ZNF568: variants seen among roughly 807,000 people sequenced by gnomAD.
ZNF568 encodes the protein p53 inhibitor of SCO2 activation.
Under a neutral mutation model 18.1 loss-of-function variants are expected in ZNF568, and 11 were observed. The observed-to-expected ratio is 0.61, with a 90% CI of 0.38 to 1.00. The LOEUF is 1.00. ZNF568 is among the 50% of genes least tolerant of loss of function. The probability of loss-of-function intolerance (pLI) is 0.01; values close to 1 mark genes in which losing one functional copy is unlikely to be tolerated. For missense variants in ZNF568, 639 were observed against 768.2 expected (o/e 0.83, Z 1.99); for synonymous variants, 213 against 246.6 (o/e 0.86, Z 1.28).
chr19:36,979,069 T>G (rs559157319), exon 8 of ZNF568: 1 of 300,296 alleles, frequency 3.3e-6, no homozygotes, highest in East Asian at 1.4e-4. Context: ...CCGCAACCTC[T>G]GCCTCCCGAG....
chr19:36,954,715 C>A (rs1057493002), downstream of ZNF568, among the ~76,000 whole-genome samples: 1 of 151,402 alleles, frequency 6.6e-6, no homozygotes, highest in Admixed American at 6.6e-5. Flanking sequence ...ACCACAGGTG[C>A]GTGCCACCAT....
chr19:36,965,707 T>C (rs2065501539), intron 6 of ZNF568, among the ~76,000 whole-genome samples: 1 of 95,016 alleles, frequency 1.1e-5, no homozygotes, highest in Non-Finnish European at 2.2e-5. Context: ...TCAAGGACTT[T>C]TTTTTTTTTT....
chr19:36,987,780 T>C (rs889043637), intron 2 of ZNF568, among the ~76,000 whole-genome samples: 14 of 151,302 alleles, frequency 9.3e-5, no homozygotes, highest in Non-Finnish European at 1.6e-4. Flanking sequence ...CAAAGGTTTG[T>C]TCATTCTTTC....
At position 36,950,138 on chromosome 19, in the gene ZNF568, A is replaced by C; in HGVS notation, c.985A>C (p.Thr329Pro). ...SNLIEHERIH[T>P]GEKPYECKEC... ...TCTCATTGAACATGAGCGAATTCACACTGGAGAGAAACCCTATGAATGTAA... is the reference window on the plus strand; with the variant it reads ...TCTCATTGAACATGAGCGAATTCACCCTGGAGAGAAACCCTATGAATGTAA... The change falls in exon 7 of 7, where the codon ACT (threonine) becomes CCT (proline). Residue 329 changes from threonine to proline, a missense_variant. Transcript: ENST00000333987. 1 of 1,613,984 alleles carries C rather than the reference A, an allele frequency of 6.2e-7. No homozygotes were observed. Among genetic ancestry groups the C allele is most frequent in the Non-Finnish European group, 8.5e-7 (1 of 1,179,954 alleles).
At chr19:36,917,910 C>G (rs546134729) in intron 2 of ZNF568, among the ~76,000 whole-genome samples, 1 of 152,216 alleles carries the variant, frequency 6.6e-6, no homozygotes, top group East Asian at 1.9e-4. Context: ...TTATTCTTGT[C>G]TCATATATTA....
intron 6 of ZNF568, among the ~76,000 whole-genome samples, chr19:36,974,200 A>G (rs1487624992): frequency 6.6e-6 from 1 of 151,702 alleles, no homozygotes; most frequent in Non-Finnish European, 1.5e-5. Context: ...TTAGGCTGTT[A>G]TGGAGGAAGA....
At chr19:36,974,318 C>T (rs1289834537) in intron 6 of ZNF568, 26 of 966,240 alleles carry the variant, frequency 2.7e-5, no homozygotes, top group Non-Finnish European at 4.0e-5. Context: ...CTTCTTTGGT[C>T]TCCCTTTCAG....
chr19:36,989,777 C>T (rs2074408129), intron 2 of ZNF568, among the ~76,000 whole-genome samples: 1 of 152,004 alleles, frequency 6.6e-6, no homozygotes, highest in African/African-American at 2.4e-5. Flanking sequence ...AACTCCTGGG[C>T]TCAAGCAATC....
intron 4 of ZNF568, among the ~76,000 whole-genome samples, chr19:36,936,246 T>C (rs1452644009): frequency 6.6e-6 from 1 of 152,194 alleles, no homozygotes; most frequent in Non-Finnish European, 1.5e-5. Context: ...CCTTGTTTTG[T>C]ACTATTATTG....
chr19:36,931,757 A>G (rs1378920946), intron 4 of ZNF568: 1 of 152,218 alleles, frequency 6.6e-6, no homozygotes, highest in Non-Finnish European at 1.5e-5. Flanking sequence ...ATACTATAAA[A>G]TTAGCCCATT....
chr19:36,933,898 G>GTTTTTTTTT lies in ZNF568; in HGVS notation c.136-2848_136-2847insTTTTTTTTT, dbSNP rs200880642. Among the ~76,000 whole-genome samples the GTTTTTTTTT allele has an allele frequency of 8.9e-4, 23 of 25,756 alleles. 3 individuals are homozygous for GTTTTTTTTT. Among genetic ancestry groups the GTTTTTTTTT allele is most frequent in the African/African-American group, 5.6e-3 (20 of 3,560 alleles). 16.9% of individuals were successfully genotyped at this position (25,756 alleles called of 152,430 possible). A position where few individuals can be genotyped will look rare whatever the true frequency, so the allele number is the denominator to read the frequency against. On this transcript the variant is annotated intron_variant, in intron 4 of 6. Transcript: ENST00000333987. ...TAGGCCTGAGTTTTTCTTTTGGGTA[G>GTTTTTTTTT]GTTTTTTTTTTTGTTTTGTTTTTTT...
intron 2 of ZNF568, among the ~76,000 whole-genome samples, chr19:36,918,953 T>C (rs2073402896): frequency 6.6e-6 from 1 of 152,244 alleles, no homozygotes; most frequent in South Asian, 2.1e-4. Context: ...TGTTAGCATG[T>C]ATTGGAATTT....
intron 6 of ZNF568, among the ~76,000 whole-genome samples, chr19:36,966,249 G>A (rs571200880): frequency 2.0e-4 from 30 of 152,218 alleles, no homozygotes; most frequent in Non-Finnish European, 4.1e-4. Flanking sequence ...TTGCACCACT[G>A]CATTCCAGCC....
exon 5 of ZNF568, chr19:36,997,133 G>A: frequency 6.4e-7 from 1 of 1,574,508 alleles, no homozygotes; most frequent in Non-Finnish European, 8.6e-7. Context: ...CGCTATGAAT[G>A]CAGGGAGTGT....
At chr19:36,948,658 A>ATTTTTTTTTTGTTTTTTTTTTTT (rs2074004880) in intron 6 of ZNF568, among the ~76,000 whole-genome samples, 1 of 83,576 alleles carries the variant, frequency 1.2e-5, no homozygotes, top group Non-Finnish European at 2.2e-5. Flanking sequence ...TTTGTTGTTG[A>ATTTTTTTTTTGTTTTTTTTTTTT]TTTTTTTTTT....
At chr19:36,918,088 A>C (rs2073381766) in intron 2 of ZNF568, among the ~76,000 whole-genome samples, 1 of 152,156 alleles carries the variant, frequency 6.6e-6, no homozygotes, top group Non-Finnish European at 1.5e-5. Context: ...AGCTGGGACT[A>C]CAGACGCGCC....
At position 36,952,491 on chromosome 19, in the gene ZNF568, A is replaced by G. The variant is rs2074074525; in HGVS notation, c.*1403A>G. 1 of 152,290 alleles carries G rather than the reference A, an allele frequency of 6.6e-6. No homozygotes were observed. The highest frequency in any genetic ancestry group is 2.4e-5 in the African/African-American group (1 of 41,454). 9.4% of individuals were successfully genotyped at this position (152,290 alleles called of 1,614,324 possible). A position where few individuals can be genotyped will look rare whatever the true frequency, so the allele number is the denominator to read the frequency against. Reference sequence around the variant, plus strand: ...AATACAAATGAAACATTGTGTAATAATATTTATGTAAATTGGAATGAAATC... The same window carrying G: ...AATACAAATGAAACATTGTGTAATAGTATTTATGTAAATTGGAATGAAATC... On this transcript the variant is annotated 3_prime_UTR_variant, in exon 7 of 7. Coordinates refer to ENST00000333987, the MANE Select transcript of ZNF568 (RefSeq NM_198539.4).
In ZNF568 at chr19:36,969,233, G is replaced by A. The variant is rs889681786; in HGVS notation, c.359-5187G>A. Among the ~76,000 whole-genome samples the A allele has an allele frequency of 2.1e-3, 320 of 152,188 alleles. 5 individuals are homozygous for A. Among genetic ancestry groups the A allele is most frequent in the Non-Finnish European group, 2.2e-4 (15 of 68,018 alleles). On this transcript the variant is annotated intron_variant, in intron 6 of 7. Transcript: ENST00000427117. ...GCCAAAATAAACAACTGAAGTAAATGTGCCTAGGAAGTGGGAAGGCACTGA... is the reference window on the plus strand; with the variant it reads ...GCCAAAATAAACAACTGAAGTAAATATGCCTAGGAAGTGGGAAGGCACTGA...
At chr19:36,991,515 T>G in intron 3 of ZNF568, 1 of 668,606 alleles carries the variant, frequency 1.5e-6, no homozygotes. Flanking sequence ...TTTTCATACC[T>G]CCCTTCTTGG....
Sources: gnomAD v4.1 joint callset for allele counts (sites outside exome capture counted in the v4.1 genomes callset) on GRCh38, gnomAD v4.1.1 for gene constraint, MANE v1.5 for transcripts, NCBI Gene and HGNC (gene_info 2026-07-23, HGNC 2026-07-21) for gene names.